TENM3: variants seen among roughly 807,000 people sequenced by gnomAD.
The protein encoded by TENM3 is teneurin transmembrane protein 3.
Under a neutral mutation model 255.1 loss-of-function variants are expected in TENM3, and 63 were observed. The ratio of observed to expected loss-of-function variants is 0.25; its 90% CI spans 0.20 to 0.30. The LOEUF (loss-of-function observed/expected upper bound fraction) is 0.30, where lower values mean the gene tolerates loss of function less well. Among genes scored for constraint, TENM3 ranks in the 10% least tolerant of loss-of-function variants. The probability of loss-of-function intolerance (pLI) is 1.00; values close to 1 mark genes in which losing one functional copy is unlikely to be tolerated. For synonymous variants in TENM3, 1,306 were observed against 1,322.3 expected (o/e 0.99, Z 0.27); for missense variants, 2,929 against 3,461.1 (o/e 0.85, Z 3.86).
chr4:182,478,228 TA>T (rs933410427), intron 3 of TENM3, among the ~76,000 whole-genome samples: 2 of 152,110 alleles, frequency 1.3e-5, no homozygotes, highest in Non-Finnish European at 2.9e-5. Context: ...TCTTTAAAAA[TA>T]AACACTAAAA....
the TENM3 span, among the ~76,000 whole-genome samples, chr4:182,019,184 G>A: frequency 6.6e-6 from 1 of 152,076 alleles, no homozygotes; most frequent in African/African-American, 2.4e-5. Flanking sequence ...TGGCTACACA[G>A]CATCTGATGG....
chr4:182,176,821 A>AT (rs529637466), intron 1 of TENM3, among the ~76,000 whole-genome samples: 4,574 of 112,920 alleles, frequency 0.041, 201 homozygotes, highest in Admixed American at 0.093. Flanking sequence ...CATCCGGCTA[A>AT]TTTTTTTTTT....
the TENM3 span, among the ~76,000 whole-genome samples, chr4:182,110,973 G>C: frequency 6.6e-6 from 1 of 152,160 alleles, no homozygotes; most frequent in Non-Finnish European, 1.5e-5. Flanking sequence ...TAACCAACTA[G>C]GAAGTGGAAA....
chr4:181,819,473 TG>T, the TENM3 span, among the ~76,000 whole-genome samples: 1 of 152,132 alleles, frequency 6.6e-6, no homozygotes, highest in Non-Finnish European at 1.5e-5. Context: ...AGAACAGATA[TG>T]CTATAATCTC....
At chr4:182,132,981 G>C in the TENM3 span, among the ~76,000 whole-genome samples, 26 of 152,306 alleles carry the variant, frequency 1.7e-4, no homozygotes, top group Middle Eastern at 3.4e-3. Flanking sequence ...TATGCTATGT[G>C]GTGGGCACGT....
chr4:181,771,331 A>G, the TENM3 span, among the ~76,000 whole-genome samples: 12 of 152,336 alleles, frequency 7.9e-5, no homozygotes, highest in African/African-American at 2.6e-4. Flanking sequence ...TGTTAGTTCA[A>G]ATGTAATAGG....
chr4:181,758,319 G>C, the TENM3 span, among the ~76,000 whole-genome samples: 1 of 152,170 alleles, frequency 6.6e-6, no homozygotes, highest in Non-Finnish European at 1.5e-5. Context: ...GGAGAAGGAG[G>C]CTTCTTAGCT....
intron 2 of TENM3, among the ~76,000 whole-genome samples, chr4:182,325,612 AGATT>A (rs1763342376): frequency 6.6e-6 from 1 of 152,234 alleles, no homozygotes; most frequent in African/African-American, 2.4e-5. Flanking sequence ...CAGCTGAAAT[AGATT>A]ATCAGTGTAC....
the TENM3 span, among the ~76,000 whole-genome samples, chr4:181,782,618 C>A: frequency 2.6e-4 from 40 of 151,934 alleles, no homozygotes; most frequent in Non-Finnish European, 2.2e-4. Context: ...GTCTGTATCT[C>A]CTTCAGTTCT....
the TENM3 span, among the ~76,000 whole-genome samples, chr4:181,767,251 CAAAAAAA>C: frequency 6.7e-4 from 51 of 75,726 alleles, no homozygotes; most frequent in African/African-American, 2.4e-3. Context: ...GACTCCGTCT[CAAAAAAA>C]AAAAAAAAAA....
chr4:182,330,715 A>T (rs992417824), intron 2 of TENM3, among the ~76,000 whole-genome samples: 1 of 152,264 alleles, frequency 6.6e-6, no homozygotes, highest in African/African-American at 2.4e-5. Context: ...ACTGAATTAG[A>T]ATCATGGCCT....
chr4:182,212,339 G>T (rs1028975376), intron 1 of TENM3, among the ~76,000 whole-genome samples: 1 of 152,204 alleles, frequency 6.6e-6, no homozygotes, highest in Non-Finnish European at 1.5e-5. Context: ...ATCAGGCAGA[G>T]AGTGGAACAA....
chr4:181,737,865 A>T, the TENM3 span, among the ~76,000 whole-genome samples: 1 of 151,348 alleles, frequency 6.6e-6, no homozygotes, highest in African/African-American at 2.4e-5. Flanking sequence ...CAAATGCAGG[A>T]TGTGGTATTA....
chr4:182,745,569 CTCAG>C (rs1384178774), intron 19 of TENM3, among the ~76,000 whole-genome samples: 1 of 152,178 alleles, frequency 6.6e-6, no homozygotes, highest in South Asian at 2.1e-4. Context: ...ACAGCAACCC[CTCAG>C]GGTTATAAGT....
At chr4:181,535,214 C>T in the TENM3 span, among the ~76,000 whole-genome samples, 8 of 152,200 alleles carry the variant, frequency 5.3e-5, no homozygotes, top group Admixed American at 1.3e-4. Context: ...GCCGCTGAGG[C>T]TTCCCGACCC....
the TENM3 span, among the ~76,000 whole-genome samples, chr4:181,892,654 A>C: frequency 6.6e-6 from 1 of 151,938 alleles, no homozygotes. Flanking sequence ...GCTCCGATTC[A>C]CTCCTAGTCT....
chr4:182,567,546 A>G (rs1580963663), intron 3 of TENM3, among the ~76,000 whole-genome samples: 1 of 151,790 alleles, frequency 6.6e-6, no homozygotes, highest in Non-Finnish European at 1.5e-5. Context: ...CTCCTCTCCT[A>G]CTTCCTCCTG....
intron 1 of TENM3, among the ~76,000 whole-genome samples, chr4:182,245,229 C>T (rs1757563542): frequency 6.6e-6 from 1 of 152,204 alleles, no homozygotes; most frequent in Non-Finnish European, 1.5e-5. Flanking sequence ...TGTCAGGGAA[C>T]AAGACACAAT....
chr4:181,665,090 C>T, the TENM3 span, among the ~76,000 whole-genome samples: 1 of 152,124 alleles, frequency 6.6e-6, no homozygotes, highest in Non-Finnish European at 1.5e-5. Flanking sequence ...GAAGCTGCAC[C>T]TCACAATGTC....
Sources: gnomAD v4.1 joint callset for allele counts (sites outside exome capture counted in the v4.1 genomes callset) on GRCh38, gnomAD v4.1.1 for gene constraint, MANE v1.5 for transcripts, NCBI Gene and HGNC (gene_info 2026-07-23, HGNC 2026-07-21) for gene names.